The following DENND4C variants were observed in gnomAD, a reference collection of about 807,000 sequenced individuals.
DENND4C encodes the protein DENN domain-containing protein 4C.
In DENND4C, 108 loss-of-function variants were observed where a neutral mutation model predicts 203.0. The observed-to-expected ratio is 0.53, with a 90% confidence interval of 0.46 to 0.62. DENND4C has a LOEUF of 0.62. Among genes scored for constraint, DENND4C ranks in the 20% least tolerant of loss-of-function variants. The pLI is 0.00. For missense variants in DENND4C, 2,481 were observed against 2,301.2 expected (o/e 1.08, Z -1.60); for synonymous variants, 871 against 792.4 (o/e 1.10, Z -1.67).
Position 19,276,309 on chromosome 9 carries a change from C to T in DENND4C, c.135C>T (p.Asp45=), listed in dbSNP as rs192506932. 43 of 1,232,080 alleles carry T rather than the reference C, an allele frequency of 3.5e-5. No homozygotes were observed. Among genetic ancestry groups the T allele is most frequent in the Non-Finnish European group, 4.3e-5 (42 of 987,932 alleles). The allele number at this position is 1,232,080 out of a possible 1,614,324, so 76.3% of individuals were successfully genotyped here. The change falls in exon 2 of 33, where the codon GAC becomes GAT. Residue 45 remains aspartate, a synonymous_variant. Coordinates refer to ENST00000434457, the MANE Select transcript of DENND4C (RefSeq NM_001330640.2). Reference sequence around the variant, plus strand: ...CTGGACCTAAAGCTCCAATTACAGACATTGCCATTATTATCAAATCAGCTG... The same window carrying T: ...CTGGACCTAAAGCTCCAATTACAGATATTGCCATTATTATCAAATCAGCTG... ...KSTGPKAPIT[D]IAIIIKSAGE...
At chr9:19,254,398 T>C (rs942632545) in intron 1 of DENND4C, among the ~76,000 whole-genome samples, 6 of 152,206 alleles carry the variant, frequency 3.9e-5, no homozygotes, top group Admixed American at 3.3e-4. Flanking sequence ...AGCAGAATAC[T>C]ATTTAGCCAT....
intron 12 of DENND4C, 80 bp from the exon 13 acceptor site, chr9:19,324,281 AG>A: frequency 2.9e-6 from 3 of 1,036,582 alleles, no homozygotes; most frequent in Non-Finnish European, 4.1e-6. Flanking sequence ...AATGTAATAT[AG>A]ATAAGTACAA....
rs1588882640 is a variant in DENND4C, at chr9:19,305,213, T to A, written c.1312-139T>A. 4 of 656,438 alleles carry A rather than the reference T, an allele frequency of 6.1e-6. No homozygotes were observed. In the East Asian group the frequency reaches 1.1e-4, roughly 18 times the overall value. 40.7% of individuals were successfully genotyped at this position (656,438 alleles called of 1,614,324 possible). On this transcript the variant is annotated intron_variant, in intron 9 of 32. Transcript: ENST00000434457. ...TTGCTTAGTAGTATTTTATAGTCAT[T>A]TAGTTTTGGAATGAAGTTTAAGGTA...
At chr9:19,327,677 T>C (rs1431743684) in intron 15 of DENND4C, among the ~76,000 whole-genome samples, 1 of 151,954 alleles carries the variant, frequency 6.6e-6, no homozygotes, top group Non-Finnish European at 1.5e-5. Flanking sequence ...GGTAATTTTA[T>C]GAAGAAAAAC....
At chr9:19,277,563 T>C (rs547676775) in intron 2 of DENND4C, among the ~76,000 whole-genome samples, 2 of 152,194 alleles carry the variant, frequency 1.3e-5, no homozygotes, top group Non-Finnish European at 2.9e-5. Context: ...TTGTGGGTTC[T>C]TCGGGATTTT....
At chr9:19,309,671 A>G (rs1210182206) in intron 10 of DENND4C, among the ~76,000 whole-genome samples, 1 of 151,920 alleles carries the variant, frequency 6.6e-6, no homozygotes, top group Non-Finnish European at 1.5e-5. Flanking sequence ...TGTAAATTTT[A>G]ATACCATCTT....
In DENND4C at chr9:19,346,734, T is replaced by G; in HGVS notation, c.3965T>G (p.Leu1322Arg). 6.2e-7 allele frequency: 1 copy of G among 1,614,222 alleles called. No homozygotes were observed. The highest frequency in any genetic ancestry group is 8.5e-7 in the Non-Finnish European group (1 of 1,180,030). ...ATGACTACTGCATTTATTCATGCTC[T>G]AGAGAGGAGATCAAGCCTACCTTTA... ...SGMTTAFIHA[L>R]ERRSSLPLDH... The change falls in exon 23 of 33, where the codon CTA becomes CGA. Residue 1322 changes from leucine to arginine, a missense_variant. Physicochemically the swap from Leu to Arg is moderately radical, Grantham distance 102. Coordinates refer to ENST00000434457, the MANE Select transcript of DENND4C (RefSeq NM_001330640.2).
At chr9:19,274,397 G>C (rs1832423379) in intron 1 of DENND4C, among the ~76,000 whole-genome samples, 1 of 151,450 alleles carries the variant, frequency 6.6e-6, no homozygotes, top group Non-Finnish European at 1.5e-5. Flanking sequence ...CCGGGTTCAA[G>C]CGATTCTCCT....
intron 12 of DENND4C, among the ~76,000 whole-genome samples, chr9:19,317,827 A>T (rs938597639): frequency 6.6e-6 from 1 of 152,218 alleles, no homozygotes; most frequent in Non-Finnish European, 1.5e-5. Flanking sequence ...AAAAAAAGGG[A>T]TGTTCTTCCA....
chr9:19,296,332 T>C (rs1837454441), intron 6 of DENND4C, 86 bp downstream of exon 6: 2 of 970,742 alleles, frequency 2.1e-6, no homozygotes, highest in Admixed American at 2.3e-5. Flanking sequence ...AGCAGCAAAG[T>C]TGGAAGGGAA....
chr9:19,238,227 C>T (rs1822527782), intron 1 of DENND4C, among the ~76,000 whole-genome samples: 1 of 151,664 alleles, frequency 6.6e-6, no homozygotes, highest in Non-Finnish European at 1.5e-5. Flanking sequence ...GGATTACAGG[C>T]ATGCACCACC....
At chr9:19,332,270 G>A (rs1051820755) in intron 17 of DENND4C, 86 bp downstream of exon 17, 7 of 1,103,554 alleles carry the variant, frequency 6.3e-6, no homozygotes, top group African/African-American at 1.6e-5. Flanking sequence ...GCTTTAAAGT[G>A]TGCTCAAGCA....
chr9:19,331,328 G>A (rs775861234), intron 16 of DENND4C, among the ~76,000 whole-genome samples: 2 of 151,120 alleles, frequency 1.3e-5, no homozygotes, highest in African/African-American at 4.9e-5. Context: ...TCAAACTCCC[G>A]AGTAGCTGGG....
At chr9:19,369,413 A>G (rs564192276) in intron 30 of DENND4C, among the ~76,000 whole-genome samples, 3 of 152,148 alleles carry the variant, frequency 2.0e-5, no homozygotes, top group East Asian at 1.9e-4. Context: ...TAATTTTACT[A>G]GTAGTGGGGA....
rs768255146 is a variant in DENND4C at position 19,336,431 on chromosome 9, G to A, written c.2734+17G>A. ...CAATATCAGGTAATACATGTGATTA[G>A]AAATATAATTCCTTACTGAACCATG... On this transcript the variant is annotated intron_variant, in intron 19 of 32. Transcript: ENST00000434457. 1.2e-6 allele frequency: 2 copies of A among 1,603,798 alleles called. No individual in the cohort carries two copies. Among genetic ancestry groups the A allele is most frequent in the Non-Finnish European group, 1.7e-6 (2 of 1,176,168 alleles).
chr9:19,316,806 G>C lies in DENND4C; in HGVS notation c.1774G>C (p.Ala592Pro), dbSNP rs201312445. Reference sequence around the variant, plus strand: ...AATCACAGAGGCTCCTTCAAATAAAGCCACAGCTGCTGATTCATTGTTTGA... The same window carrying C: ...AATCACAGAGGCTCCTTCAAATAAACCCACAGCTGCTGATTCATTGTTTGA... ...RPITEAPSNKATAADSLFDRQ... is the reference protein window; with the variant it reads ...RPITEAPSNKPTAADSLFDRQ... The change falls in exon 12 of 33, where the codon GCC becomes CCC. Residue 592 changes from alanine to proline, a missense_variant. Transcript: ENST00000434457. The C allele has an allele frequency of 6.2e-7, 1 of 1,613,606 alleles. No homozygotes were observed. The highest frequency in any genetic ancestry group is 8.5e-7 in the Non-Finnish European group (1 of 1,179,850).
intron 1 of DENND4C, among the ~76,000 whole-genome samples, chr9:19,259,630 C>G (rs140609073): frequency 1.3e-5 from 2 of 151,794 alleles, no homozygotes; most frequent in African/African-American, 2.4e-5. Context: ...CTTAGCCTCC[C>G]GAGTAGCTGG....
intron 2 of DENND4C, among the ~76,000 whole-genome samples, chr9:19,284,550 T>A (rs1834806667): frequency 6.6e-6 from 1 of 152,162 alleles, no homozygotes; most frequent in African/African-American, 2.4e-5. Context: ...CTCTATAGTG[T>A]TTGTGCCATT....
intron 3 of DENND4C, among the ~76,000 whole-genome samples, chr9:19,287,835 C>A (rs965628802): frequency 2.6e-5 from 4 of 152,128 alleles, no homozygotes; most frequent in African/African-American, 9.7e-5. Context: ...CAGGTTCAAG[C>A]GATTCTCCTG....
Sources: gnomAD v4.1 joint callset for allele counts (sites outside exome capture counted in the v4.1 genomes callset) on GRCh38, gnomAD v4.1.1 for gene constraint, MANE v1.5 for transcripts, NCBI Gene and HGNC (gene_info 2026-07-23, HGNC 2026-07-21) for gene names.